Variants in OSBP2 observed in about 807,000 individuals in gnomAD.
OSBP2 encodes the protein oxysterol binding protein 2.
Under a neutral mutation model 96.0 loss-of-function variants are expected in OSBP2, and 66 were observed. The ratio of observed to expected loss-of-function variants is 0.69; its 90% CI spans 0.56 to 0.84. The LOEUF is 0.84. OSBP2 is among the 40% of genes least tolerant of loss of function. The probability of loss-of-function intolerance (pLI) is 0.00; values close to 1 mark genes in which losing one functional copy is unlikely to be tolerated. For missense variants in OSBP2, 1,038 were observed against 1,222.7 expected (o/e 0.85, Z 2.25); for synonymous variants, 525 against 520.9 (o/e 1.01, Z -0.11).
chr22:30,867,620 C>T (rs182330305), intron 2 of OSBP2, among the ~76,000 whole-genome samples: 2 of 152,326 alleles, frequency 1.3e-5, no homozygotes, highest in Admixed American at 1.3e-4. Context: ...TCATCCTGCC[C>T]CAACAACACG....
At chr22:30,831,954 G>C (rs967186030) in intron 2 of OSBP2, among the ~76,000 whole-genome samples, 1 of 152,116 alleles carries the variant, frequency 6.6e-6, no homozygotes. Context: ...CTGTTTCTGT[G>C]CCTACTTTGA....
chr22:30,905,827 A>T lies in OSBP2; in HGVS notation c.2376-10A>T. ...CGCAGCCACCGCCACCGCCACCACC[A>T]CCGCCACAGGGAGAACGCGGAGAAC... On this transcript the variant is annotated splice_polypyrimidine_tract_variant and intron_variant, in intron 12 of 13. Coordinates refer to ENST00000332585, the MANE Select transcript of OSBP2 (RefSeq NM_030758.4). The T allele has an allele frequency of 6.2e-7, 1 of 1,612,228 alleles. No individual in the cohort carries two copies. Among genetic ancestry groups the T allele is most frequent in the Non-Finnish European group, 8.5e-7 (1 of 1,179,394 alleles).
chr22:30,844,165 G>A (rs749964652), intron 2 of OSBP2, among the ~76,000 whole-genome samples: 5 of 152,112 alleles, frequency 3.3e-5, no homozygotes, highest in African/African-American at 1.2e-4. Context: ...ATGAGCCACC[G>A]CGCCTGGCCA....
chr22:30,774,803 G>A lies in OSBP2; in HGVS notation c.853+33434G>A, dbSNP rs535916680. ...GTGGCACCACTTTTTCTAAAAAGAT[G>A]AATTTTATTATGTATACTTAGGGCA... is the stretch of plus-strand genomic sequence containing the variant. On this transcript the variant is annotated intron_variant, in intron 2 of 13. Transcript: ENST00000332585. Among the ~76,000 whole-genome samples, 9 of 152,278 alleles carry A rather than the reference G, an allele frequency of 5.9e-5. No individual in the cohort carries two copies. The East Asian group carries it at 1.5e-3, about 26-fold the overall frequency.
At chr22:30,777,808 C>G (rs1475416906) in intron 2 of OSBP2, among the ~76,000 whole-genome samples, 3 of 152,102 alleles carry the variant, frequency 2.0e-5, no homozygotes, top group African/African-American at 7.2e-5. Flanking sequence ...ATTAGTGAAG[C>G]TGGGCTGGTT....
intron 3 of OSBP2, among the ~76,000 whole-genome samples, chr22:30,875,369 T>C (rs555507802): frequency 6.6e-6 from 1 of 151,988 alleles, no homozygotes; most frequent in East Asian, 1.9e-4. Context: ...CAGGGTTCTT[T>C]GTTGTTTTTT....
rs56875088 is a variant in OSBP2, at chr22:30,856,373, C to CTTT, written c.854-14028_854-14026dup. 1.8e-3 allele frequency among the ~76,000 whole-genome samples: 179 copies of CTTT among 101,396 alleles called. 2 individuals are homozygous for CTTT. The highest frequency in any genetic ancestry group is 6.2e-3 in the East Asian group (21 of 3,398). The allele number at this position is 101,396 out of a possible 152,430, so 66.5% of individuals were successfully genotyped here. A position where few individuals can be genotyped will look rare whatever the true frequency, so the allele number is the denominator to read the frequency against. ...CTTGGCAGTTGGAAACAGAGCCCTT[C>CTTT]TTTTTTTTTTTTTTTTTTTTTTTTT... On this transcript the variant is annotated intron_variant, in intron 2 of 13. Transcript: ENST00000332585.
chr22:30,838,775 G>T (rs1247130686), intron 2 of OSBP2, among the ~76,000 whole-genome samples: 1 of 150,622 alleles, frequency 6.6e-6, no homozygotes, highest in Non-Finnish European at 1.5e-5. Flanking sequence ...GAATTATTTT[G>T]ATTTTTATAT....
Position 30,704,775 on chromosome 22 carries a change from G to A in OSBP2, c.644+9222G>A, listed in dbSNP as rs114443580. ...GCAGATATTTGCCATAAATCACATC[G>A]TTTGTACAAACAGTATAGGCACAGT... On this transcript the variant is annotated intron_variant, in intron 1 of 13. Coordinates refer to ENST00000332585, the MANE Select transcript of OSBP2 (RefSeq NM_030758.4). Among the ~76,000 whole-genome samples the A allele has an allele frequency of 3.7e-3, 570 of 152,158 alleles. 4 individuals are homozygous for A. The highest frequency in any genetic ancestry group is 0.013 in the African/African-American group (538 of 41,496).
At chr22:30,899,722 T>C (rs1046496143) in intron 12 of OSBP2, among the ~76,000 whole-genome samples, 4 of 152,254 alleles carry the variant, frequency 2.6e-5, no homozygotes, top group African/African-American at 9.6e-5. Flanking sequence ...AATAAATATA[T>C]AAGCAAAAAT....
At chr22:30,790,191 C>G (rs1229471514) in intron 2 of OSBP2, among the ~76,000 whole-genome samples, 2 of 152,016 alleles carry the variant, frequency 1.3e-5, no homozygotes, top group African/African-American at 4.8e-5. Context: ...TCTTTGTGCC[C>G]TCTCAAGCTT....
Position 30,889,601 on chromosome 22 carries a change from T to G in OSBP2, c.1588T>G (p.Cys530Gly). 1 of 1,613,978 alleles carries G rather than the reference T, an allele frequency of 6.2e-7. No homozygotes were observed. Among genetic ancestry groups the G allele is most frequent in the Non-Finnish European group, 8.5e-7 (1 of 1,180,008 alleles). Reference sequence around the variant, plus strand: ...TAACCTCTGGAGCATCATGAAGAACTGCATCGGCCGGGAGCTCTCCAGGAT... The same window carrying G: ...TAACCTCTGGAGCATCATGAAGAACGGCATCGGCCGGGAGCTCTCCAGGAT... ...SLNLWSIMKN[C>G]IGRELSRIPM... Residue 530 changes from cysteine (C) to glycine (G), a missense_variant, in exon 7 of 14, where the codon TGC (cysteine) becomes GGC (glycine). Around this residue, in one of 3 missense-constraint regions of OSBP2, gnomAD observed 737 missense variants for 913.3 expected, o/e 0.81. Transcript: ENST00000332585.
chr22:30,870,730 C>T lies in OSBP2; in HGVS notation c.1107+48C>T, dbSNP rs1224093280. The T allele has an allele frequency of 1.3e-6, 2 of 1,589,094 alleles. No individual in the cohort carries two copies. The highest frequency in any genetic ancestry group is 1.7e-6 in the Non-Finnish European group (2 of 1,164,098). ...CTGGCACGGGGCTCCCTGGCTCCAGCCCCGGGGTCCCTCGGTGGGTGACCA... is the reference window on the plus strand; with the variant it reads ...CTGGCACGGGGCTCCCTGGCTCCAGTCCCGGGGTCCCTCGGTGGGTGACCA... On this transcript the variant is annotated intron_variant, in intron 3 of 13. Transcript: ENST00000332585. This position sits in a 1 kb window ranked among gnomAD's most constrained non-coding sequence, Gnocchi z 4.1.
chr22:30,787,023 C>T (rs1250860877), intron 2 of OSBP2, among the ~76,000 whole-genome samples: 3 of 152,110 alleles, frequency 2.0e-5, no homozygotes, highest in East Asian at 3.9e-4. Context: ...TGGTCTCGAT[C>T]TCCTGACCTG....
intron 2 of OSBP2, among the ~76,000 whole-genome samples, chr22:30,747,584 C>T (rs1054060130): frequency 6.6e-6 from 1 of 152,158 alleles, no homozygotes; most frequent in Non-Finnish European, 1.5e-5. Context: ...TGCTAGTGGT[C>T]GTTGGGTAAA....
chr22:30,811,494 C>G (rs1485245046), intron 2 of OSBP2, among the ~76,000 whole-genome samples: 2 of 151,320 alleles, frequency 1.3e-5, no homozygotes, highest in African/African-American at 4.8e-5. Flanking sequence ...TACAGGCATG[C>G]ACCACCATGC....
chr22:30,866,089 AG>A (rs1297334655), intron 2 of OSBP2, among the ~76,000 whole-genome samples: 2 of 152,206 alleles, frequency 1.3e-5, no homozygotes, highest in Non-Finnish European at 1.5e-5. Flanking sequence ...ACAGCAAGTC[AG>A]TGTGACAGAC....
chr22:30,817,736 CT>C (rs2091098698), intron 2 of OSBP2, among the ~76,000 whole-genome samples: 1 of 152,142 alleles, frequency 6.6e-6, no homozygotes, highest in African/African-American at 2.4e-5. Flanking sequence ...ACATTGGAGG[CT>C]GAGACTAGTG....
Position 30,695,296 on chromosome 22 carries a change from G to A in OSBP2, c.387G>A (p.Arg129=). ...FTKAASEPLS[R]AVGSATFLRP... ...AGGCCGCATCGGAGCCGCTCTCCCG[G>A]GCGGTGGGGAGCGCGACCTTTCTCA... The change falls in exon 1 of 14, where the codon CGG becomes CGA. Residue 129 remains arginine, a synonymous_variant. Coordinates refer to ENST00000332585, the MANE Select transcript of OSBP2 (RefSeq NM_030758.4). 1 of 1,613,442 alleles carries A rather than the reference G, an allele frequency of 6.2e-7. No individual in the cohort carries two copies. The highest frequency in any genetic ancestry group is 8.5e-7 in the Non-Finnish European group (1 of 1,180,012).
Sources: allele counts gnomAD v4.1 joint callset (sites outside exome capture counted in the v4.1 genomes callset), GRCh38; gene constraint gnomAD v4.1.1; regional missense constraint gnomAD v4.1.1; non-coding constraint Gnocchi (gnomAD v3.1); transcripts MANE v1.5; gene names NCBI Gene and HGNC (gene_info 2026-07-23, HGNC 2026-07-21).